Variants in LRMDA observed in about 807,000 individuals in gnomAD.
LRMDA encodes leucine-rich melanocyte differentiation-associated protein.
A neutral mutation model predicts 29.8 loss-of-function variants in LRMDA; 18 were observed. The ratio of observed to expected loss-of-function variants is 0.60; its 90% confidence interval spans 0.42 to 0.90. LRMDA has a LOEUF of 0.90. Ranked by LOEUF, LRMDA falls within the 40% of genes least tolerant of loss-of-function variation. The pLI, the probability that LRMDA is intolerant of heterozygous loss-of-function variation, is 0.00. For missense variants in LRMDA, 273 were observed against 273.9 expected (o/e 1.00, Z 0.02); for synonymous variants, 125 against 109.4 (o/e 1.14, Z -0.89).
At chr10:76,189,126 G>C (rs1851201057) in intron 5 of LRMDA, among the ~76,000 whole-genome samples, 1 of 152,170 alleles carries the variant, frequency 6.6e-6, no homozygotes, top group South Asian at 2.1e-4. Flanking sequence ...TGGAAGCTGA[G>C]GCGGGTGGAT....
chr10:76,147,628 G>T (rs957376907), intron 5 of LRMDA, among the ~76,000 whole-genome samples: 2 of 151,564 alleles, frequency 1.3e-5, no homozygotes, highest in African/African-American at 4.9e-5. Context: ...CTATTGGTTC[G>T]AATTTCCTCC....
At chr10:75,700,484 G>A (rs1317312354) in intron 2 of LRMDA, among the ~76,000 whole-genome samples, 1 of 147,068 alleles carries the variant, frequency 6.8e-6, no homozygotes, top group African/African-American at 2.5e-5. Flanking sequence ...CGCCTAGGCT[G>A]GAGTGCAGTG....
chr10:76,233,354 A>G (rs539016302), intron 5 of LRMDA, among the ~76,000 whole-genome samples: 26 of 152,310 alleles, frequency 1.7e-4, no homozygotes, highest in Non-Finnish European at 3.5e-4. Flanking sequence ...GCTAATAACT[A>G]TCTGCATTTT....
intron 6 of LRMDA, among the ~76,000 whole-genome samples, chr10:76,389,997 T>C (rs1225013452): frequency 6.6e-6 from 1 of 152,174 alleles, no homozygotes; most frequent in Non-Finnish European, 1.5e-5. Flanking sequence ...TTCTTCTGAG[T>C]ATATATACAG....
At chr10:75,467,492 C>T (rs556875080) in intron 2 of LRMDA, among the ~76,000 whole-genome samples, 2 of 152,304 alleles carry the variant, frequency 1.3e-5, no homozygotes, top group African/African-American at 2.4e-5. Context: ...TCTTTCTCTT[C>T]TTTTTCCCTC....
chr10:76,116,398 C>T (rs1243579661), intron 5 of LRMDA, among the ~76,000 whole-genome samples: 1 of 152,134 alleles, frequency 6.6e-6, no homozygotes, highest in Non-Finnish European at 1.5e-5. Flanking sequence ...ATCCAGATTA[C>T]AGGTGAGAAA....
chr10:75,452,261 C>A (rs1172136953), intron 2 of LRMDA, among the ~76,000 whole-genome samples: 1 of 152,040 alleles, frequency 6.6e-6, no homozygotes, highest in Non-Finnish European at 1.5e-5. Context: ...GTCTCGATGC[C>A]CATTTATTTT....
intron 6 of LRMDA, among the ~76,000 whole-genome samples, chr10:76,412,598 T>G (rs1010135256): frequency 1.3e-5 from 2 of 152,184 alleles, no homozygotes; most frequent in Admixed American, 6.5e-5. Flanking sequence ...ATAAGTGTCC[T>G]TACATACAAA....
chr10:75,591,709 C>T (rs1840726675), intron 2 of LRMDA, among the ~76,000 whole-genome samples: 2 of 152,142 alleles, frequency 1.3e-5, no homozygotes, highest in Non-Finnish European at 2.9e-5. Flanking sequence ...ACAGAGGTCT[C>T]TGATTTGTGT....
chr10:76,056,529 A>C (rs1848617476), intron 4 of LRMDA, among the ~76,000 whole-genome samples: 1 of 152,176 alleles, frequency 6.6e-6, no homozygotes, highest in Admixed American at 6.5e-5. Flanking sequence ...CTGCAGGCCC[A>C]TGCTGAGCTG....
chr10:75,724,234 G>T (rs1268953666), intron 2 of LRMDA, among the ~76,000 whole-genome samples: 1 of 152,104 alleles, frequency 6.6e-6, no homozygotes, highest in South Asian at 2.1e-4. Context: ...TCACTGAAAG[G>T]CCAAATTATC....
At chr10:76,365,049 A>T (rs922344956) in intron 6 of LRMDA, among the ~76,000 whole-genome samples, 7 of 137,652 alleles carry the variant, frequency 5.1e-5, no homozygotes, top group Non-Finnish European at 1.6e-5. Flanking sequence ...TTATGGCTGC[A>T]TAGTATTCCA....
rs570213278 is a variant in LRMDA, at chr10:76,190,324, G to A, written c.516+131541G>A. 6.2e-4 allele frequency among the ~76,000 whole-genome samples: 95 copies of A among 152,268 alleles called. 1 individual carries two copies. Among genetic ancestry groups the A allele is most frequent in the South Asian group, 1.7e-3 (8 of 4,818 alleles). ...TGGAAGTACAGGAAAAGACTTCTGT[G>A]CAAAATTGGCAACAGAATCCCTAAA... On this transcript the variant is annotated intron_variant, in intron 5 of 6. Coordinates refer to ENST00000611255, the MANE Select transcript of LRMDA (RefSeq NM_001305581.2).
In LRMDA at chr10:76,020,141, C is replaced by T. The variant is rs75483213; in HGVS notation, c.132-15867C>T. ...AGGAAGGGCTGCTTGGCAGCTTTGC[C>T]TGAGGTGGGGTCTGACCCAGACTGG... is the stretch of plus-strand genomic sequence containing the variant. On this transcript the variant is annotated intron_variant, in intron 2 of 6. Transcript: ENST00000611255. Among the ~76,000 whole-genome samples, 472 of 152,328 alleles carry T rather than the reference C, an allele frequency of 3.1e-3. 3 individuals carry two copies. Among genetic ancestry groups the T allele is most frequent in the Non-Finnish European group, 5.5e-3 (377 of 68,036 alleles).
chr10:75,481,217 TG>T (rs1844852660), intron 2 of LRMDA, among the ~76,000 whole-genome samples: 1 of 151,766 alleles, frequency 6.6e-6, no homozygotes, highest in Non-Finnish European at 1.5e-5. Flanking sequence ...TGGGGTTGGG[TG>T]GGGCAGTTTA....
chr10:76,511,505 A>G (rs900917720), intron 6 of LRMDA, among the ~76,000 whole-genome samples: 1 of 152,198 alleles, frequency 6.6e-6, no homozygotes, highest in Non-Finnish European at 1.5e-5. Flanking sequence ...CTAAAAACCT[A>G]TTAGAACTAA....
intron 5 of LRMDA, among the ~76,000 whole-genome samples, chr10:76,080,409 T>C (rs1273723963): frequency 1.3e-5 from 2 of 152,206 alleles, no homozygotes; most frequent in African/African-American, 2.4e-5. Flanking sequence ...TTTAGCATCT[T>C]CTACTACACT....
At chr10:76,279,155 A>C (rs978435159) in intron 5 of LRMDA, among the ~76,000 whole-genome samples, 1 of 152,234 alleles carries the variant, frequency 6.6e-6, no homozygotes, top group African/African-American at 2.4e-5. Flanking sequence ...TGCTGACCAA[A>C]TACAGTAACA....
intron 2 of LRMDA, among the ~76,000 whole-genome samples, chr10:75,631,007 A>G (rs973392016): frequency 6.6e-6 from 1 of 152,168 alleles, no homozygotes; most frequent in African/African-American, 2.4e-5. Context: ...ATTCATGGCT[A>G]TCAATGGCTG....
Sources: allele counts gnomAD v4.1 joint callset (sites outside exome capture counted in the v4.1 genomes callset), GRCh38; gene constraint gnomAD v4.1.1; transcripts MANE v1.5; gene names NCBI Gene and HGNC (gene_info 2026-07-23, HGNC 2026-07-21).